Variants in DGLUCY observed in about 807,000 individuals in gnomAD.
DGLUCY encodes D-glutamate cyclase, mitochondrial.
DGLUCY carries 58 observed loss-of-function variants against 58.5 expected under a neutral mutation model. The observed-to-expected ratio is 0.99, with a 90% CI of 0.80 to 1.23. The LOEUF is 1.23. Ranked by LOEUF, DGLUCY falls within the 50% of genes most tolerant of loss-of-function variation. The pLI is 0.00. For missense variants in DGLUCY, 779 were observed against 784.7 expected (o/e 0.99, Z 0.09); for synonymous variants, 325 against 314.1 (o/e 1.03, Z -0.37).
At chr14:91,094,070 T>G (rs1394690353) in intron 1 of DGLUCY, among the ~76,000 whole-genome samples, 2 of 152,194 alleles carry the variant, frequency 1.3e-5, no homozygotes, top group African/African-American at 4.8e-5. Context: ...TTAATACCAC[T>G]AAATTGTACG....
At chr14:91,221,371 G>A (rs982444412) in intron 13 of DGLUCY, among the ~76,000 whole-genome samples, 3 of 152,206 alleles carry the variant, frequency 2.0e-5, no homozygotes, top group Non-Finnish European at 4.4e-5. Context: ...GATGATGGAT[G>A]CATGGATGGA....
intron 1 of DGLUCY, among the ~76,000 whole-genome samples, chr14:91,062,505 A>T (rs2043719249): frequency 7.0e-6 from 1 of 142,622 alleles, no homozygotes; most frequent in African/African-American, 2.6e-5. Flanking sequence ...CCGAGATCAC[A>T]CCATTGCACT....
upstream of DGLUCY, among the ~76,000 whole-genome samples, chr14:91,104,220 G>A (rs1216371722): frequency 6.6e-6 from 1 of 151,168 alleles, no homozygotes. Context: ...CCGCCACCAC[G>A]CCCGGCTAAT....
intron 7 of DGLUCY, among the ~76,000 whole-genome samples, chr14:91,178,787 T>C (rs1275643998): frequency 6.6e-6 from 1 of 151,950 alleles, no homozygotes; most frequent in East Asian, 1.9e-4. Flanking sequence ...TCCCAGCACT[T>C]TGGGAGGCTG....
chr14:91,140,003 G>A (rs2046561227), intron 1 of DGLUCY, among the ~76,000 whole-genome samples: 1 of 152,218 alleles, frequency 6.6e-6, no homozygotes, highest in Non-Finnish European at 1.5e-5. Context: ...AGCACTCTCT[G>A]TAAGATAAGG....
chr14:91,207,153 T>C (rs1178321299), intron 12 of DGLUCY, among the ~76,000 whole-genome samples: 1 of 24,924 alleles, frequency 4.0e-5, no homozygotes, highest in Admixed American at 7.1e-4. Flanking sequence ...AGCAAGACAC[T>C]GTCTCAGGAA....
At chr14:91,174,780 G>T (rs563239404) in intron 6 of DGLUCY, among the ~76,000 whole-genome samples, 2 of 152,218 alleles carry the variant, frequency 1.3e-5, no homozygotes, top group African/African-American at 4.8e-5. Flanking sequence ...CTTGCAACTG[G>T]TGTCTGTAGG....
intron 13 of DGLUCY, among the ~76,000 whole-genome samples, chr14:91,223,395 A>C (rs1179174146): frequency 6.6e-6 from 1 of 152,194 alleles, no homozygotes; most frequent in African/African-American, 2.4e-5. Flanking sequence ...CTAATGTCCT[A>C]TTCTAGATTC....
chr14:91,135,668 A>AAC (rs1555395331), intron 1 of DGLUCY, among the ~76,000 whole-genome samples: 1 of 150,844 alleles, frequency 6.6e-6, no homozygotes, highest in Non-Finnish European at 1.5e-5. Flanking sequence ...AAAAAAAAAA[A>AAC]AAAAAACAAG....
chr14:91,072,671 AC>A (rs1430957584), intron 1 of DGLUCY, among the ~76,000 whole-genome samples: 7 of 150,734 alleles, frequency 4.6e-5, no homozygotes, highest in African/African-American at 1.2e-4. Flanking sequence ...AAAACAAAAA[AC>A]AAAACTTCCT....
intron 1 of DGLUCY, chr14:91,091,100 T>C (rs2044303684): frequency 1.3e-5 from 2 of 152,234 alleles, no homozygotes; most frequent in Non-Finnish European, 2.9e-5. Context: ...CTTTTACAAT[T>C]TGTCTAGAAG....
At chr14:91,200,305 G>A (rs1489081956) in intron 11 of DGLUCY, among the ~76,000 whole-genome samples, 1 of 152,092 alleles carries the variant, frequency 6.6e-6, no homozygotes. Context: ...GAGTTATGTG[G>A]GGACCATCAT....
chr14:91,179,111 CA>C (rs1167555499), intron 7 of DGLUCY, among the ~76,000 whole-genome samples: 2 of 152,186 alleles, frequency 1.3e-5, no homozygotes, highest in Admixed American at 1.3e-4. Context: ...CTATTATGCG[CA>C]AGGCCCTCTG....
intron 1 of DGLUCY, among the ~76,000 whole-genome samples, chr14:91,151,406 A>AT (rs955600787): frequency 5.3e-5 from 8 of 150,940 alleles, no homozygotes; most frequent in East Asian, 3.9e-4. Flanking sequence ...CACCCGGCTA[A>AT]TTTTTTTTTA....
intron 1 of DGLUCY, among the ~76,000 whole-genome samples, chr14:91,157,173 AGATG>A (rs1201287927): frequency 4.7e-4 from 22 of 46,556 alleles, no homozygotes; most frequent in Non-Finnish European, 6.2e-4. Context: ...GTGGATGGAT[AGATG>A]GATGGATGGG....
At chr14:91,186,896 A>AG (rs2049555464) in intron 8 of DGLUCY, among the ~76,000 whole-genome samples, 1 of 62,106 alleles carries the variant, frequency 1.6e-5, no homozygotes, top group South Asian at 3.3e-4. Flanking sequence ...GGATGAGGCC[A>AG]GGTCACACAG....
chr14:91,088,679 AG>A (rs1322754491), intron 1 of DGLUCY, among the ~76,000 whole-genome samples: 5 of 152,220 alleles, frequency 3.3e-5, no homozygotes, highest in African/African-American at 1.2e-4. Context: ...TCCCCTAAGC[AG>A]GGGTTGCTGC....
chr14:91,074,107 ATAT>A (rs1555388269), intron 1 of DGLUCY, among the ~76,000 whole-genome samples: 38 of 77,280 alleles, frequency 4.9e-4, no homozygotes, highest in Middle Eastern at 6.4e-3. Flanking sequence ...AAAAAAAAAT[ATAT>A]ATATATATAC....
chr14:91,165,203 G>C, intron 3 of DGLUCY: 1 of 455,686 alleles, frequency 2.2e-6, no homozygotes, highest in South Asian at 1.6e-5. Flanking sequence ...TAACATAACC[G>C]TTACGTGTTT....
Sources: gnomAD v4.1 joint callset for allele counts (sites outside exome capture counted in the v4.1 genomes callset) on GRCh38, gnomAD v4.1.1 for gene constraint, MANE v1.5 for transcripts, NCBI Gene and HGNC (gene_info 2026-07-23, HGNC 2026-07-21) for gene names.